Variants in SLC66A3 observed in about 807,000 individuals in gnomAD.
SLC66A3 encodes PQ loop repeat containing 3.
SLC66A3 carries 23 observed loss-of-function variants against 25.5 expected under a neutral mutation model. The ratio of observed to expected loss-of-function variants is 0.90; its 90% CI spans 0.65 to 1.28. SLC66A3 has a LOEUF of 1.28. Ranked by LOEUF, SLC66A3 falls within the 50% of genes most tolerant of loss-of-function variation. SLC66A3 has a pLI of 0.00. For missense variants in SLC66A3, 246 were observed against 262.1 expected, an observed-to-expected ratio of 0.94 and a Z score of 0.42; for synonymous variants, 108 against 112.6, an observed-to-expected ratio of 0.96 and a Z score of 0.26.
rs1558257033 is a variant in SLC66A3 at position 11,169,835 on chromosome 2, C to CTTTT, written c.355-2089_355-2088insTTTT. ...GAGATTAGAATCACCCTGGATTTCT[C>CTTTT]TCTTTTTTTTTTTTTTTTTTTTGAG... On this transcript the variant is annotated intron_variant, in intron 4 of 6. Transcript: ENST00000295083. Among the ~76,000 whole-genome samples the CTTTT allele has an allele frequency of 4.7e-5, 4 of 85,104 alleles. 1 individual carries two copies. Among genetic ancestry groups the CTTTT allele is most frequent in the East Asian group, 3.3e-4 (1 of 3,026 alleles). 55.8% of individuals were successfully genotyped at this position (85,104 alleles called of 152,430 possible).
chr2:11,175,014 G>A lies in SLC66A3; in HGVS notation c.517+5G>A, dbSNP rs1165303066. 3.7e-6 allele frequency: 6 copies of A among 1,601,060 alleles called. No individual in the cohort carries two copies. The highest frequency in any genetic ancestry group is 1.3e-5 in the African/African-American group (1 of 74,538). ...TGACCACCAATGATTTTACAAGTAA[G>A]CAAAATATCTTCTCACTTCCTTTTT... On this transcript the variant is annotated splice_donor_5th_base_variant and intron_variant, in intron 6 of 6. Transcript: ENST00000295083.
At chr2:11,174,600 G>A (rs1022748158) in intron 5 of SLC66A3, among the ~76,000 whole-genome samples, 1 of 151,924 alleles carries the variant, frequency 6.6e-6, no homozygotes, top group Non-Finnish European at 1.5e-5. Flanking sequence ...AGGTTCAAGC[G>A]ATTATCTTGC....
At chr2:11,175,395 G>C (rs560870993) in intron 6 of SLC66A3, among the ~76,000 whole-genome samples, 5 of 152,342 alleles carry the variant, frequency 3.3e-5, no homozygotes, top group South Asian at 4.1e-4. Context: ...ATTTGAAGAA[G>C]AGTGATCGTA....
chr2:11,156,407 A>G (rs1305489336), intron 1 of SLC66A3, among the ~76,000 whole-genome samples: 1 of 152,156 alleles, frequency 6.6e-6, no homozygotes, highest in Non-Finnish European at 1.5e-5. Context: ...CAACAATAGG[A>G]AAACACATAC....
At chr2:11,172,753 TC>T (rs1201374639) in intron 5 of SLC66A3, 2 of 441,144 alleles carry the variant, frequency 4.5e-6, no homozygotes, top group Admixed American at 2.4e-5. Context: ...TTTGACAGGG[TC>T]TCGCTCTCTC....
intron 3 of SLC66A3, 95 bp from the exon 4 acceptor site, chr2:11,164,109 C>A (rs1046947948): frequency 2.8e-6 from 2 of 721,742 alleles, no homozygotes; most frequent in South Asian, 1.7e-5. Context: ...CTGGCTTCTG[C>A]GTGCCGCTGT....
At chr2:11,176,190 G>C (rs1662734863) in intron 6 of SLC66A3, among the ~76,000 whole-genome samples, 1 of 152,170 alleles carries the variant, frequency 6.6e-6, no homozygotes, top group South Asian at 2.1e-4. Context: ...TCTTGAAAGT[G>C]ATCAGTATAT....
intron 1 of SLC66A3, among the ~76,000 whole-genome samples, chr2:11,158,860 C>T (rs543169861): frequency 6.6e-6 from 1 of 152,310 alleles, no homozygotes; most frequent in South Asian, 2.1e-4. Flanking sequence ...AGACACTGTC[C>T]CCACCCCACC....
At chr2:11,166,012 G>C (rs981826329) in intron 4 of SLC66A3, among the ~76,000 whole-genome samples, 1 of 151,878 alleles carries the variant, frequency 6.6e-6, no homozygotes, top group Non-Finnish European at 1.5e-5. Flanking sequence ...CGTGGAAAGA[G>C]AGGGAGAGGG....
rs546479821 is a variant in SLC66A3 at position 11,171,944 on chromosome 2, G to T, written c.374G>T (p.Ser125Ile). ...DLAMNLCTFI[S>I]AASKFAQLQC... ...AAACAGAATCTATGTACTTTCATCAGCGCGGCCAGTAAGTTTGCACAGCTC... is the reference window on the plus strand; with the variant it reads ...AAACAGAATCTATGTACTTTCATCATCGCGGCCAGTAAGTTTGCACAGCTC... Residue 125 changes from serine (S) to isoleucine (I), a missense_variant, in exon 5 of 7, where the codon AGC becomes ATC. Physicochemically the swap from Ser to Ile is moderately radical, Grantham distance 142. Around this residue, in one of 3 missense-constraint regions of SLC66A3, gnomAD observed 93 missense variants for 102.6 expected, o/e 0.91. Transcript: ENST00000295083. 8 of 1,613,858 alleles carry T rather than the reference G, an allele frequency of 5.0e-6. No individual in the cohort carries two copies. The highest frequency in any genetic ancestry group is 6.8e-6 in the Non-Finnish European group (8 of 1,179,944).
At chr2:11,170,389 G>A (rs1056705064) in intron 4 of SLC66A3, among the ~76,000 whole-genome samples, 7 of 152,082 alleles carry the variant, frequency 4.6e-5, no homozygotes, top group African/African-American at 1.2e-4. Flanking sequence ...GGTGGTCAGC[G>A]TCGAGGATGC....
In SLC66A3 at chr2:11,165,311, C is replaced by T. The variant is rs558966044; in HGVS notation, c.354+1050C>T. ...GCTCCTCACTTCTCAGACTGGGCGG[C>T]GGGGCAGAGGCGCTCCCCACATCTC... On this transcript the variant is annotated intron_variant, in intron 4 of 6. Coordinates refer to ENST00000295083, the MANE Select transcript of SLC66A3 (RefSeq NM_152391.5). Among the ~76,000 whole-genome samples, 735 of 147,822 alleles carry T rather than the reference C, an allele frequency of 5.0e-3. 11 individuals are homozygous for T. The highest frequency in any genetic ancestry group is 8.4e-3 in the Non-Finnish European group (563 of 67,304).
intron 1 of SLC66A3, among the ~76,000 whole-genome samples, chr2:11,157,119 TTTGCAGCA>T (rs1661934406): frequency 6.6e-6 from 1 of 152,156 alleles, no homozygotes; most frequent in Non-Finnish European, 1.5e-5. Context: ...TTCCACCACT[TTTGCAGCA>T]TTGCTTGAAA....
At chr2:11,168,946 C>A (rs1662450886) in intron 4 of SLC66A3, among the ~76,000 whole-genome samples, 1 of 149,992 alleles carries the variant, frequency 6.7e-6, no homozygotes, top group Non-Finnish European at 1.5e-5. Context: ...CAACCTCTGC[C>A]TTCTGGGTTC....
intron 5 of SLC66A3, among the ~76,000 whole-genome samples, chr2:11,173,915 A>G (rs1198172787): frequency 1.3e-5 from 2 of 152,198 alleles, no homozygotes; most frequent in Non-Finnish European, 1.5e-5. Flanking sequence ...CAGTCTGTTT[A>G]TCTATAAAAT....
chr2:11,160,507 C>T lies in SLC66A3; in HGVS notation c.185C>T (p.Pro62Leu), dbSNP rs11553122. ...CGGTACCAGTGTTACTATGGGTATC[C>T]GCCGCTGACCTACCTGGAGTACCCC... ...FLRYQCYYGY[P>L]PLTYLEYPIL... is the part of the protein sequence containing the mutation. Residue 62 changes from proline to leucine, a missense_variant, in exon 2 of 7, where the codon CCG (proline) becomes CTG (leucine). Physicochemically the swap from Pro to Leu is moderately conservative, Grantham distance 98. Around this residue, in one of 3 missense-constraint regions of SLC66A3, gnomAD observed 142 missense variants for 130.3 expected, o/e 1.09. Coordinates refer to ENST00000295083, the MANE Select transcript of SLC66A3 (RefSeq NM_152391.5). 5.0e-6 allele frequency: 8 copies of T among 1,613,990 alleles called. No individual in the cohort carries two copies. The highest frequency in any genetic ancestry group is 1.1e-5 in the South Asian group (1 of 91,082).
intron 5 of SLC66A3, 64 bp downstream of exon 5, chr2:11,172,109 G>A: frequency 1.3e-6 from 2 of 1,533,150 alleles, no homozygotes; most frequent in Middle Eastern, 1.9e-4. Flanking sequence ...GTAGTAGGGT[G>A]TTAAGTTGGT....
intron 4 of SLC66A3, among the ~76,000 whole-genome samples, chr2:11,166,018 G>C (rs1378233874): frequency 6.6e-6 from 1 of 152,178 alleles, no homozygotes; most frequent in Non-Finnish European, 1.5e-5. Context: ...AAGAGAGGGA[G>C]AGGGAGAGGG....
At chr2:11,158,780 C>T (rs1662000543) in intron 1 of SLC66A3, among the ~76,000 whole-genome samples, 1 of 152,168 alleles carries the variant, frequency 6.6e-6, no homozygotes. Flanking sequence ...GATCGCGCCA[C>T]TGCACTCCAG....
Sources: gnomAD v4.1 joint callset for allele counts (sites outside exome capture counted in the v4.1 genomes callset) on GRCh38, gnomAD v4.1.1 for gene constraint, gnomAD v4.1.1 regional missense constraint, MANE v1.5 for transcripts, NCBI Gene and HGNC (gene_info 2026-07-23, HGNC 2026-07-21) for gene names.